Variants in OPA1 observed in about 807,000 individuals in gnomAD.
The protein encoded by OPA1 is OPA1 mitochondrial dynamin like GTPase.
Under a neutral mutation model 152.9 loss-of-function variants are expected in OPA1, and 59 were observed. The observed-to-expected ratio is 0.39, with a 90% confidence interval of 0.31 to 0.48. The LOEUF (loss-of-function observed/expected upper bound fraction) is 0.48. OPA1 is among the 20% of genes least tolerant of loss of function. OPA1 has a pLI of 0.96. For missense variants in OPA1, 1,008 were observed against 1,216.8 expected, an observed-to-expected ratio of 0.83 and a Z score of 2.55; for synonymous variants, 400 against 389.9, an observed-to-expected ratio of 1.03 and a Z score of -0.31.
chr3:193,593,465 C>T (rs896070147), intron 1 of OPA1, 56 bp downstream of exon 1: 2 of 1,445,714 alleles, frequency 1.4e-6, no homozygotes, highest in Admixed American at 2.5e-5. Flanking sequence ...GAGAGTGGGG[C>T]TGTCTTATCT....
chr3:193,615,676 T>A lies in OPA1; in HGVS notation c.354T>A (p.Thr118=). Residue 118 remains threonine (T), a splice_region_variant and synonymous_variant, in exon 3 of 31, where the codon ACT becomes ACA. Coordinates refer to ENST00000361510, the MANE Select transcript of OPA1 (RefSeq NM_130837.3). The part of the protein sequence containing the change: ...AVGGGYTAKK[T]FDQWKDMIPD... ...TGACACACTTTCTTGTCTTTTAGAC[T>A]TTTGATCAGTGGAAAGATATGATAC... The A allele has an allele frequency of 6.3e-7, 1 of 1,588,312 alleles. No homozygotes were observed. The highest frequency in any genetic ancestry group is 8.6e-7 in the Non-Finnish European group (1 of 1,156,642).
rs567974005 is a variant in OPA1 at position 193,657,437 on chromosome 3, A to G, written c.2331+205A>G. 9.9e-5 allele frequency among the ~76,000 whole-genome samples: 15 copies of G among 152,266 alleles called. No individual in the cohort carries two copies. The East Asian group carries it at 1.9e-3, about 20-fold the overall frequency. On this transcript the variant is annotated intron_variant, in intron 23 of 30. Transcript: ENST00000361510. ...ACCTGTTGCTGTTTCTTTCTTGGCT[A>G]TCATTTCAGAAAAAAGTAAAACTTT... is the stretch of plus-strand genomic sequence containing the variant.
intron 7 of OPA1, 128 bp downstream of exon 7, chr3:193,626,330 A>G: frequency 1.4e-6 from 1 of 723,516 alleles, no homozygotes; most frequent in South Asian, 1.6e-5. Flanking sequence ...TGAAAATATA[A>G]AAGATGCATC....
intron 25 of OPA1, 31 bp downstream of exon 25, chr3:193,659,592 T>C: frequency 6.4e-7 from 1 of 1,564,320 alleles, no homozygotes; most frequent in Non-Finnish European, 8.8e-7. Flanking sequence ...AGTCTTATGA[T>C]GATATAATTT....
intron 22 of OPA1, 86 bp downstream of exon 22, chr3:193,655,113 G>C (rs1713473733): frequency 1.6e-6 from 2 of 1,225,358 alleles, no homozygotes; most frequent in Non-Finnish European, 1.2e-6. Context: ...TCCCATCACA[G>C]CCTCTATCTT....
intron 1 of OPA1, among the ~76,000 whole-genome samples, chr3:193,597,719 A>G (rs575984052): frequency 6.6e-6 from 1 of 151,866 alleles, no homozygotes; most frequent in African/African-American, 2.4e-5. Flanking sequence ...AGAAATGGAA[A>G]TCAGGATGGT....
intron 20 of OPA1, 99 bp from the exon 21 acceptor site, chr3:193,648,696 G>A: frequency 3.7e-6 from 3 of 818,046 alleles, no homozygotes; most frequent in Non-Finnish European, 4.2e-6. Context: ...CCCAAATTCA[G>A]CCTAGTCAAA....
At chr3:193,664,158 G>A (rs188821548) in intron 26 of OPA1, among the ~76,000 whole-genome samples, 16 of 152,128 alleles carry the variant, frequency 1.1e-4, no homozygotes, top group African/African-American at 3.6e-4. Flanking sequence ...AGTGCACTTT[G>A]CAAAGCTATA....
chr3:193,609,061 T>A (rs1195702891), intron 1 of OPA1, among the ~76,000 whole-genome samples: 2 of 152,188 alleles, frequency 1.3e-5, no homozygotes, highest in African/African-American at 4.8e-5. Flanking sequence ...GCTTGGTAGA[T>A]CTTCCTCCAT....
At chr3:193,675,122 G>A (rs771696066) in intron 29 of OPA1, among the ~76,000 whole-genome samples, 1 of 152,066 alleles carries the variant, frequency 6.6e-6, no homozygotes, top group Non-Finnish European at 1.5e-5. Flanking sequence ...AATTTGAACT[G>A]CATCTGCACT....
chr3:193,682,840 A>T (rs1473070960), intron 29 of OPA1, among the ~76,000 whole-genome samples: 1 of 152,176 alleles, frequency 6.6e-6, no homozygotes, highest in East Asian at 1.9e-4. Context: ...AAGGAGATTT[A>T]TGTTGTTTTT....
intron 21 of OPA1, 144 bp from the exon 22 acceptor site, chr3:193,654,718 G>A (rs144570261): frequency 0.027 from 20,339 of 756,608 alleles, 332 homozygotes; most frequent in Non-Finnish European, 0.029. Flanking sequence ...TGACTGGTGC[G>A]ATTTACAGGT....
chr3:193,617,299 T>C lies in OPA1; in HGVS notation c.556+14T>C, dbSNP rs370489098. ...TTTTTACCTCAGGTAAGGAAGAAGC[T>C]GTTTGATCTAATTTAAAAATTTAAG... On this transcript the variant is annotated intron_variant, in intron 4 of 30. Coordinates refer to ENST00000361510, the MANE Select transcript of OPA1 (RefSeq NM_130837.3). 2.0e-6 allele frequency: 3 copies of C among 1,467,352 alleles called. No individual in the cohort carries two copies. The highest frequency in any genetic ancestry group is 2.8e-5 in the African/African-American group (2 of 71,846). 90.9% of individuals were successfully genotyped at this position (1,467,352 alleles called of 1,614,324 possible).
intron 26 of OPA1, among the ~76,000 whole-genome samples, chr3:193,663,429 C>T (rs1305505649): frequency 1.3e-5 from 2 of 152,046 alleles, no homozygotes; most frequent in East Asian, 3.8e-4. Flanking sequence ...TGAGTTCTTT[C>T]TCCATTGTCC....
chr3:193,678,685 A>G (rs1177148537), intron 29 of OPA1, among the ~76,000 whole-genome samples: 1 of 152,188 alleles, frequency 6.6e-6, no homozygotes, highest in African/African-American at 2.4e-5. Context: ...TATATAGTTC[A>G]AGTATTCTGG....
chr3:193,618,170 CA>C (rs1404957458), intron 5 of OPA1, among the ~76,000 whole-genome samples: 4 of 152,144 alleles, frequency 2.6e-5, no homozygotes, highest in Admixed American at 2.0e-4. Context: ...TCTGCCCTGT[CA>C]TGGTTGACAT....
chr3:193,681,281 G>A (rs540562577), intron 29 of OPA1, among the ~76,000 whole-genome samples: 1 of 152,272 alleles, frequency 6.6e-6, no homozygotes, highest in East Asian at 1.9e-4. Flanking sequence ...ACCACTTTTA[G>A]AATATTGTGG....
intron 29 of OPA1, among the ~76,000 whole-genome samples, chr3:193,679,803 A>G (rs901742703): frequency 4.6e-5 from 7 of 152,204 alleles, no homozygotes; most frequent in African/African-American, 1.4e-4. Flanking sequence ...AGGTTTATAA[A>G]TCTATGTATG....
chr3:193,668,922 G>A (rs1717305637), intron 29 of OPA1: 1 of 961,712 alleles, frequency 1.0e-6, no homozygotes, highest in Non-Finnish European at 1.3e-6. Flanking sequence ...TAAAATACCT[G>A]TAGTTGGTAC....
Sources: gnomAD v4.1 joint callset for allele counts (sites outside exome capture counted in the v4.1 genomes callset) on GRCh38, gnomAD v4.1.1 for gene constraint, MANE v1.5 for transcripts, NCBI Gene and HGNC (gene_info 2026-07-23, HGNC 2026-07-21) for gene names.